The following AFG2A variants were observed in gnomAD, a reference collection of about 807,000 sequenced individuals.
AFG2A encodes AAA ATPase AFG2A.
the AFG2A span, among the ~76,000 whole-genome samples, chr4:123,115,727 G>A: frequency 1.3e-5 from 2 of 152,050 alleles, no homozygotes; most frequent in African/African-American, 4.8e-5. Context: ...CCACACCCGT[G>A]CCCCACCACA....
chr4:123,284,278 T>C, the AFG2A span, among the ~76,000 whole-genome samples: 5 of 152,210 alleles, frequency 3.3e-5, no homozygotes, highest in Non-Finnish European at 7.3e-5. Flanking sequence ...CCCCCGATTA[T>C]CTAAAATCAC....
the AFG2A span, among the ~76,000 whole-genome samples, chr4:123,155,805 C>A: frequency 6.6e-6 from 1 of 152,040 alleles, no homozygotes; most frequent in Non-Finnish European, 1.5e-5. Context: ...CTCATGAATA[C>A]CAGAGAATAG....
At chr4:122,924,055 G>T in the AFG2A span, among the ~76,000 whole-genome samples, 2 of 152,230 alleles carry the variant, frequency 1.3e-5, no homozygotes, top group East Asian at 3.9e-4. Flanking sequence ...TTGAAAAATG[G>T]ACCAGACTAG....
chr4:122,975,865 G>T, the AFG2A span, among the ~76,000 whole-genome samples: 1 of 152,126 alleles, frequency 6.6e-6, no homozygotes, highest in Admixed American at 6.5e-5. Flanking sequence ...GATAAAGCAA[G>T]TGGGTATTTG....
At chr4:123,184,263 A>G in the AFG2A span, among the ~76,000 whole-genome samples, 2 of 152,186 alleles carry the variant, frequency 1.3e-5, no homozygotes, top group African/African-American at 2.4e-5. Flanking sequence ...GTTTTGTGTT[A>G]AAATAAGTAT....
chr4:123,196,086 C>T, the AFG2A span, among the ~76,000 whole-genome samples: 3 of 151,460 alleles, frequency 2.0e-5, no homozygotes, highest in Non-Finnish European at 2.9e-5. Context: ...CTGCAAGCTC[C>T]GCCTCCCAGG....
the AFG2A span, among the ~76,000 whole-genome samples, chr4:123,137,024 A>C: frequency 6.6e-6 from 1 of 152,150 alleles, no homozygotes; most frequent in Non-Finnish European, 1.5e-5. Flanking sequence ...ACTTCAGATC[A>C]GGCATTAGAT....
At chr4:123,185,886 G>A in the AFG2A span, among the ~76,000 whole-genome samples, 4 of 150,332 alleles carry the variant, frequency 2.7e-5, no homozygotes, top group Non-Finnish European at 5.9e-5. Context: ...GCGAGACTCC[G>A]TCTAAAAAAA....
chr4:122,952,223 A>C, the AFG2A span, among the ~76,000 whole-genome samples: 1 of 152,132 alleles, frequency 6.6e-6, no homozygotes, highest in African/African-American at 2.4e-5. Flanking sequence ...CTAAAGGCGC[A>C]TATGTATGTC....
At chr4:123,196,810 C>T in the AFG2A span, among the ~76,000 whole-genome samples, 2 of 152,138 alleles carry the variant, frequency 1.3e-5, no homozygotes, top group African/African-American at 4.8e-5. Flanking sequence ...TAATAAGATT[C>T]TTGCCATGAG....
chr4:123,135,326 C>T, the AFG2A span, among the ~76,000 whole-genome samples: 1 of 152,122 alleles, frequency 6.6e-6, no homozygotes, highest in Non-Finnish European at 1.5e-5. Flanking sequence ...GAGCTAAAGG[C>T]TTTTTTTCTA....
At chr4:123,208,944 G>T in the AFG2A span, among the ~76,000 whole-genome samples, 1 of 152,188 alleles carries the variant, frequency 6.6e-6, no homozygotes, top group African/African-American at 2.4e-5. Flanking sequence ...GGTCACAGGA[G>T]AGAACAAGGC....
the AFG2A span, chr4:123,316,039 C>T: frequency 6.6e-6 from 1 of 152,296 alleles, no homozygotes; most frequent in Non-Finnish European, 1.5e-5. Flanking sequence ...CTCAGCTTCC[C>T]AAAGGGCTGA....
At chr4:123,056,402 A>G in the AFG2A span, 1 of 1,612,724 alleles carries the variant, frequency 6.2e-7, no homozygotes, top group Non-Finnish European at 8.5e-7. Context: ...TGAATTAATG[A>G]ATAAATATGT....
chr4:123,255,198 C>T, the AFG2A span, among the ~76,000 whole-genome samples: 3 of 152,250 alleles, frequency 2.0e-5, no homozygotes, highest in South Asian at 6.2e-4. Context: ...CTCCTGGACT[C>T]AAGCAGTCTG....
chr4:123,022,372 A>C, the AFG2A span, among the ~76,000 whole-genome samples: 6 of 151,944 alleles, frequency 3.9e-5, no homozygotes, highest in Admixed American at 6.6e-5. Flanking sequence ...AAAGTGGGCA[A>C]AGGATATGAA....
the AFG2A span, among the ~76,000 whole-genome samples, chr4:123,002,559 T>G: frequency 2.0e-5 from 3 of 152,140 alleles, no homozygotes; most frequent in African/African-American, 7.2e-5. Context: ...CTCCTTCACT[T>G]ATGAAGCTTA....
chr4:123,192,001 TAC>T, the AFG2A span, among the ~76,000 whole-genome samples: 1 of 152,074 alleles, frequency 6.6e-6, no homozygotes, highest in Non-Finnish European at 1.5e-5. Flanking sequence ...AATCCTTCAG[TAC>T]ACACAAAATC....
the AFG2A span, among the ~76,000 whole-genome samples, chr4:123,121,698 G>A: frequency 1.3e-5 from 2 of 152,144 alleles, no homozygotes; most frequent in Non-Finnish European, 2.9e-5. Flanking sequence ...GTTTGTGTAA[G>A]TACACTCTGT....
Sources: allele counts gnomAD v4.1 joint callset (sites outside exome capture counted in the v4.1 genomes callset), GRCh38; gene constraint gnomAD v4.1.1; transcripts MANE v1.5; gene names NCBI Gene and HGNC (gene_info 2026-07-23, HGNC 2026-07-21).